The following ZMAT4 variants were observed in gnomAD, a reference collection of about 807,000 sequenced individuals.
ZMAT4 encodes zinc finger matrin-type 4.
Under a neutral mutation model 28.7 loss-of-function variants are expected in ZMAT4, and 17 were observed. That is an observed-to-expected ratio of 0.59 (90% CI 0.41 to 0.89). The LOEUF is 0.89. ZMAT4 is among the 40% of genes least tolerant of loss of function. The pLI is 0.00. For missense variants in ZMAT4, 240 were observed against 283.8 expected, an observed-to-expected ratio of 0.85 and a Z score of 1.11; for synonymous variants, 117 against 109.2, an observed-to-expected ratio of 1.07 and a Z score of -0.44.
chr8:40,896,963 T>A (rs1283497000), intron 1 of ZMAT4, among the ~76,000 whole-genome samples: 1 of 150,194 alleles, frequency 6.7e-6, no homozygotes, highest in Non-Finnish European at 1.5e-5. Context: ...ATCCCGTTTT[T>A]TGGCTTTTTC....
At chr8:40,713,921 C>CAAAAAAAAAAAAAAA (rs532317102) in intron 3 of ZMAT4, among the ~76,000 whole-genome samples, 13 of 49,942 alleles carry the variant, frequency 2.6e-4, no homozygotes, top group Admixed American at 7.3e-4. Flanking sequence ...AAAACAAAAC[C>CAAAAAAAAAAAAAAA]AAAAAAAAAA....
intron 1 of ZMAT4, among the ~76,000 whole-genome samples, chr8:40,829,175 A>G (rs558366242): frequency 6.6e-6 from 1 of 152,308 alleles, no homozygotes; most frequent in East Asian, 1.9e-4. Context: ...ATACAAGAGT[A>G]GGGGAAGACA....
At chr8:40,606,365 C>T (rs891860227) in intron 5 of ZMAT4, among the ~76,000 whole-genome samples, 3 of 152,066 alleles carry the variant, frequency 2.0e-5, no homozygotes, top group African/African-American at 7.2e-5. Flanking sequence ...TCTTGTAGAG[C>T]TGGCTTGGTA....
intron 1 of ZMAT4, among the ~76,000 whole-genome samples, chr8:40,857,070 A>C (rs1354238722): frequency 6.6e-6 from 1 of 152,202 alleles, no homozygotes; most frequent in Non-Finnish European, 1.5e-5. Flanking sequence ...ATGATCAGGA[A>C]GCTACCTGGG....
chr8:40,704,697 A>G (rs1384968824), intron 3 of ZMAT4, among the ~76,000 whole-genome samples: 1 of 152,248 alleles, frequency 6.6e-6, no homozygotes, highest in Non-Finnish European at 1.5e-5. Flanking sequence ...TGAACTAAAT[A>G]GTTGAACGAC....
chr8:40,642,479 G>T (rs1271153243), intron 5 of ZMAT4, among the ~76,000 whole-genome samples: 1 of 152,178 alleles, frequency 6.6e-6, no homozygotes, highest in Non-Finnish European at 1.5e-5. Context: ...CAGACCATTT[G>T]GCTGTCCCAG....
chr8:40,836,048 A>G (rs1163269823), intron 1 of ZMAT4, among the ~76,000 whole-genome samples: 1 of 152,182 alleles, frequency 6.6e-6, no homozygotes, highest in Non-Finnish European at 1.5e-5. Context: ...AAATCTCTAC[A>G]CAGCAGCCTC....
At chr8:40,864,038 G>A (rs556721802) in intron 1 of ZMAT4, among the ~76,000 whole-genome samples, 1 of 152,326 alleles carries the variant, frequency 6.6e-6, no homozygotes, top group Non-Finnish European at 1.5e-5. Context: ...CAGTCACCAT[G>A]TGCACTGCAT....
At chr8:40,720,018 C>T (rs1811012845) in intron 3 of ZMAT4, among the ~76,000 whole-genome samples, 1 of 152,138 alleles carries the variant, frequency 6.6e-6, no homozygotes, top group African/African-American at 2.4e-5. Context: ...GCAGTAGGAC[C>T]CAGTGACCAT....
intron 1 of ZMAT4, among the ~76,000 whole-genome samples, chr8:40,838,346 A>AT (rs1816573541): frequency 6.6e-6 from 1 of 151,818 alleles, no homozygotes; most frequent in East Asian, 1.9e-4. Context: ...TCTTTTGTTT[A>AT]TTTTTTTATT....
intron 3 of ZMAT4, among the ~76,000 whole-genome samples, chr8:40,764,055 A>AT (rs1813045687): frequency 6.6e-6 from 1 of 152,098 alleles, no homozygotes; most frequent in Admixed American, 6.5e-5. Flanking sequence ...CATACAGATC[A>AT]TTTTTTCCCA....
intron 1 of ZMAT4, among the ~76,000 whole-genome samples, chr8:40,846,747 G>A (rs896015289): frequency 1.3e-5 from 2 of 152,156 alleles, no homozygotes; most frequent in African/African-American, 4.8e-5. Flanking sequence ...TGCTGCAAAC[G>A]TGTATGAGGC....
chr8:40,536,135 T>C (rs1351223063), intron 6 of ZMAT4, among the ~76,000 whole-genome samples: 1 of 152,244 alleles, frequency 6.6e-6, no homozygotes, highest in African/African-American at 2.4e-5. Flanking sequence ...TGAAGTTATA[T>C]TTCCAAAATT....
chr8:40,867,102 T>C (rs1169295030), intron 1 of ZMAT4, among the ~76,000 whole-genome samples: 1 of 152,156 alleles, frequency 6.6e-6, no homozygotes, highest in African/African-American at 2.4e-5. Flanking sequence ...CTAGCCGATG[T>C]TATTGCAATG....
intron 1 of ZMAT4, among the ~76,000 whole-genome samples, chr8:40,896,737 T>C (rs1042847555): frequency 5.3e-5 from 8 of 152,078 alleles, no homozygotes; most frequent in Admixed American, 5.2e-4. Context: ...GGGTGAGCTG[T>C]TTTACTTCAA....
intron 2 of ZMAT4, among the ~76,000 whole-genome samples, chr8:40,817,076 T>C (rs1008620137): frequency 6.6e-6 from 1 of 152,028 alleles, no homozygotes; most frequent in Non-Finnish European, 1.5e-5. Flanking sequence ...ACCATTAAAT[T>C]GGAAAAAAGA....
intron 4 of ZMAT4, among the ~76,000 whole-genome samples, chr8:40,688,651 A>C (rs1245970177): frequency 6.6e-6 from 1 of 152,150 alleles, no homozygotes; most frequent in South Asian, 2.1e-4. Flanking sequence ...AGGAAATCCT[A>C]CACAAGAGAA....
intron 2 of ZMAT4, among the ~76,000 whole-genome samples, chr8:40,815,163 T>C (rs866619026): frequency 1.6e-4 from 24 of 152,240 alleles, no homozygotes; most frequent in Admixed American, 2.6e-4. Context: ...TAATCCCAGC[T>C]ACTCGAGTGG....
At chr8:40,542,308 G>A (rs993747558) in intron 6 of ZMAT4, among the ~76,000 whole-genome samples, 3 of 152,180 alleles carry the variant, frequency 2.0e-5, no homozygotes, top group Non-Finnish European at 2.9e-5. Context: ...GGTCAGGGAG[G>A]ACCCTGGCTG....
Sources: gnomAD v4.1 joint callset for allele counts (sites outside exome capture counted in the v4.1 genomes callset) on GRCh38, gnomAD v4.1.1 for gene constraint, MANE v1.5 for transcripts, NCBI Gene and HGNC (gene_info 2026-07-23, HGNC 2026-07-21) for gene names.